FAM186A: variants seen among roughly 807,000 people sequenced by gnomAD.
FAM186A encodes the protein family with sequence similarity 186 member A, also known as protein FAM186A.
A neutral mutation model predicts 216.8 loss-of-function variants in FAM186A; 163 were observed. The ratio of observed to expected loss-of-function variants is 0.75; its 90% CI spans 0.66 to 0.86. The LOEUF is 0.86. Ranked by LOEUF, FAM186A falls within the 40% of genes least tolerant of loss-of-function variation. The pLI, the probability that FAM186A is intolerant of heterozygous loss-of-function variation, is 0.00. For synonymous variants in FAM186A, 805 were observed against 1,025.3 expected (o/e 0.79, Z 4.10); for missense variants, 2,184 against 2,746.2 (o/e 0.80, Z 4.58).
chr12:50,387,033 G>A (rs1269893382), intron 1 of FAM186A, among the ~76,000 whole-genome samples: 5 of 152,038 alleles, frequency 3.3e-5, no homozygotes, highest in Non-Finnish European at 7.4e-5. Context: ...TGTGGGGTCG[G>A]AGGAGCAGAT....
intron 5 of FAM186A, 59 bp from the exon 6 acceptor site, chr12:50,331,880 G>C (rs1942660797): frequency 9.9e-6 from 14 of 1,419,932 alleles, no homozygotes; most frequent in Non-Finnish European, 1.3e-5. Context: ...ATCTTTAGAA[G>C]GGTCTTCAGA....
intron 1 of FAM186A, among the ~76,000 whole-genome samples, chr12:50,394,732 CTTTTTTTTTTTTT>C (rs71083561): frequency 4.1e-4 from 12 of 29,408 alleles, no homozygotes; most frequent in African/African-American, 7.8e-4. Context: ...GGCTAACACT[CTTTTTTTTTTTTT>C]TTTTTTTTTT....
At chr12:50,334,358 G>A (rs1396984993) in intron 4 of FAM186A, among the ~76,000 whole-genome samples, 1 of 151,840 alleles carries the variant, frequency 6.6e-6, no homozygotes, top group African/African-American at 2.4e-5. Flanking sequence ...TTTTAGTAGA[G>A]ACGGGGTTTC....
intron 1 of FAM186A, among the ~76,000 whole-genome samples, chr12:50,375,632 G>A (rs372440509): frequency 6.7e-6 from 1 of 149,324 alleles, no homozygotes; most frequent in Non-Finnish European, 1.5e-5. Context: ...CAGGAGAATC[G>A]CCTGAACCTG....
chr12:50,394,802 A>C (rs1943398033), intron 1 of FAM186A, among the ~76,000 whole-genome samples: 1 of 134,848 alleles, frequency 7.4e-6, no homozygotes, highest in African/African-American at 2.9e-5. Flanking sequence ...ATGTAGTGGC[A>C]CAATCTATAG....
intron 1 of FAM186A, among the ~76,000 whole-genome samples, chr12:50,373,223 C>A (rs1943166893): frequency 1.3e-5 from 2 of 151,948 alleles, no homozygotes; most frequent in African/African-American, 4.8e-5. Flanking sequence ...ATAGTGAAAC[C>A]CCGTCTCTAC....
chr12:50,394,506 A>G (rs1943393548), intron 1 of FAM186A, among the ~76,000 whole-genome samples: 1 of 151,900 alleles, frequency 6.6e-6, no homozygotes, highest in Admixed American at 6.6e-5. Context: ...GTGAGCCAAG[A>G]TCGCGCCACT....
chr12:50,346,147 G>A (rs568553473), intron 4 of FAM186A, among the ~76,000 whole-genome samples: 5 of 145,946 alleles, frequency 3.4e-5, no homozygotes, highest in Non-Finnish European at 6.0e-5. Flanking sequence ...CTCCAGCTGG[G>A]CGACAAAGCC....
intron 1 of FAM186A, among the ~76,000 whole-genome samples, chr12:50,386,523 A>G (rs1278946388): frequency 2.0e-5 from 3 of 152,124 alleles, no homozygotes; most frequent in African/African-American, 7.2e-5. Context: ...ATATATCAAA[A>G]CATAATGTTG....
chr12:50,387,581 A>G (rs1449731882), intron 1 of FAM186A, among the ~76,000 whole-genome samples: 1 of 152,160 alleles, frequency 6.6e-6, no homozygotes, highest in Non-Finnish European at 1.5e-5. Flanking sequence ...CTGGTGTCTG[A>G]TTTATGTAAG....
intron 4 of FAM186A, among the ~76,000 whole-genome samples, chr12:50,342,520 G>C (rs1942774177): frequency 6.7e-6 from 1 of 149,038 alleles, no homozygotes; most frequent in Non-Finnish European, 1.5e-5. Flanking sequence ...TGTTGCCCAG[G>C]CTGGAGTGCA....
chr12:50,350,469 C>G lies in FAM186A; in HGVS notation c.6363G>C (p.Gln2121His), dbSNP rs561731480. 17 of 1,551,572 alleles carry G rather than the reference C, an allele frequency of 1.1e-5. No individual in the cohort carries two copies. Among genetic ancestry groups the G allele is most frequent in the African/African-American group, 1.1e-4 (8 of 73,136 alleles). ...AQKKNLILLN[Q>H]AIKTCGLPSQ... ...AAGGGAGTCCACAAGTTTTTATAGC[C>G]TGATTTAATAGTATCAGGTTCTTCT... Residue 2121 changes from glutamine (Q) to histidine (H), a missense_variant, in exon 4 of 8, where the codon CAG (glutamine) becomes CAC (histidine). This residue lies in a region of FAM186A where 721 missense variants were observed against 816.4 expected (regional missense o/e 0.88). Transcript: ENST00000327337.
chr12:50,373,692 C>T (rs7305972), intron 1 of FAM186A, among the ~76,000 whole-genome samples: 146,161 of 152,214 alleles, frequency 0.96, 70,444 homozygotes, highest in East Asian at 1. Flanking sequence ...AACACTTTTA[C>T]ACTGTTGGTG....
intron 2 of FAM186A, among the ~76,000 whole-genome samples, chr12:50,362,906 A>G (rs2136097637): frequency 1.3e-5 from 2 of 152,306 alleles, no homozygotes; most frequent in Admixed American, 1.3e-4. Flanking sequence ...AATAGTATGC[A>G]TAAAAACACG....
chr12:50,346,220 G>A (rs142973310), intron 4 of FAM186A, among the ~76,000 whole-genome samples: 23,014 of 46,626 alleles, frequency 0.49, 4,930 homozygotes, highest in Non-Finnish European at 0.59. Context: ...AGAGAGAGAA[G>A]GAAAGAAAGA....
At chr12:50,391,533 C>G (rs547570619) in intron 1 of FAM186A, among the ~76,000 whole-genome samples, 80 of 151,852 alleles carry the variant, frequency 5.3e-4, no homozygotes, top group African/African-American at 1.9e-3. Flanking sequence ...CCAGGCTGGT[C>G]TCAAACTCCT....
Position 50,350,717 on chromosome 12 carries a change from T to A in FAM186A, c.6115A>T (p.Thr2039Ser). ...GGTGATGTTGTTGGCTTCATGAGAG[T>A]GAGAAGGGCCCTTTCATCAGTGTAA... The part of the protein sequence containing the change: ...TPYTDERALL[T>S]LMKPTTSPSS... Residue 2039 changes from threonine (T) to serine (S), a missense_variant, in exon 4 of 8, where the codon ACT becomes TCT. Coordinates refer to ENST00000327337, the MANE Select transcript of FAM186A (RefSeq NM_001145475.3). 6.4e-7 allele frequency: 1 copy of A among 1,551,370 alleles called. No individual in the cohort carries two copies. The highest frequency in any genetic ancestry group is 2.4e-5 in the East Asian group (1 of 40,908).
At chr12:50,385,856 C>T (rs998837194) in intron 1 of FAM186A, among the ~76,000 whole-genome samples, 14 of 150,668 alleles carry the variant, frequency 9.3e-5, no homozygotes, top group South Asian at 2.1e-4. Context: ...GAGTTGAGAT[C>T]GCACCACTGC....
At chr12:50,328,725 T>A (rs1592593888) in intron 7 of FAM186A, among the ~76,000 whole-genome samples, 1 of 148,740 alleles carries the variant, frequency 6.7e-6, no homozygotes, top group African/African-American at 2.5e-5. Context: ...GCCAGGCTGG[T>A]CTCAAACTCC....
Sources: allele counts gnomAD v4.1 joint callset (sites outside exome capture counted in the v4.1 genomes callset), GRCh38; gene constraint gnomAD v4.1.1; regional missense constraint gnomAD v4.1.1; transcripts MANE v1.5; gene names NCBI Gene and HGNC (gene_info 2026-07-23, HGNC 2026-07-21).